The following RSF1 variants were observed in gnomAD, a reference collection of about 807,000 sequenced individuals.
The protein encoded by RSF1 is HBV pX-associated protein 8.
A neutral mutation model predicts 145.2 loss-of-function variants in RSF1; 13 were observed. That is an observed-to-expected ratio of 0.09 (90% CI 0.06 to 0.14). The LOEUF is 0.14. Ranked by LOEUF, RSF1 falls within the 10% of genes least tolerant of loss-of-function variation. The pLI is 1.00. For synonymous variants in RSF1, 577 were observed against 592.6 expected (o/e 0.97, Z 0.38); for missense variants, 1,517 against 1,718.2 (o/e 0.88, Z 2.07).
chr11:77,692,608 G>A (rs1043025940), intron 8 of RSF1, among the ~76,000 whole-genome samples: 23 of 151,660 alleles, frequency 1.5e-4, no homozygotes, highest in Admixed American at 1.5e-3. Context: ...CAAACTCATG[G>A]CCTTTAGTGA....
the RSF1 span, among the ~76,000 whole-genome samples, chr11:77,847,319 G>A: frequency 6.6e-6 from 1 of 152,106 alleles, no homozygotes; most frequent in Non-Finnish European, 1.5e-5. Context: ...TTTTTATCTG[G>A]CATTTGGTTT....
intron 1 of RSF1, among the ~76,000 whole-genome samples, chr11:77,765,028 C>T (rs7951172): frequency 0.18 from 26,843 of 151,858 alleles, 2,955 homozygotes; most frequent in African/African-American, 0.29. Context: ...TGGGAGCCAA[C>T]AGTAGAGAAG....
chr11:77,727,338 C>T lies in RSF1; in HGVS notation c.579-1639G>A, dbSNP rs191053749. Among the ~76,000 whole-genome samples the T allele has an allele frequency of 1.1e-4, 17 of 152,008 alleles. No homozygotes were observed. In the East Asian group the frequency reaches 2.7e-3, roughly 24 times the overall value. ...AGAATTCCATATGCAACGAATGGCT[C>T]GATCTATTTATTTCTGAAAGTCATG... On this transcript the variant is annotated intron_variant, in intron 4 of 15. Coordinates refer to ENST00000308488, the MANE Select transcript of RSF1 (RefSeq NM_016578.4).
At chr11:77,715,345 A>G (rs1445957995) in intron 5 of RSF1, among the ~76,000 whole-genome samples, 2 of 152,216 alleles carry the variant, frequency 1.3e-5, no homozygotes, top group South Asian at 2.1e-4. Flanking sequence ...CTTTTCTTTT[A>G]TTCCTATAAA....
the RSF1 span, among the ~76,000 whole-genome samples, chr11:77,861,969 CAG>C: frequency 3.2e-4 from 49 of 152,338 alleles, no homozygotes; most frequent in African/African-American, 1.2e-3. Flanking sequence ...AGTCAGGTGA[CAG>C]AGAGGTGTGC....
At chr11:77,706,656 T>C (rs779259458) in intron 5 of RSF1, among the ~76,000 whole-genome samples, 36 of 152,178 alleles carry the variant, frequency 2.4e-4, no homozygotes, top group Non-Finnish European at 4.1e-4. Flanking sequence ...TTCCTCACTT[T>C]CCTAATTTTT....
chr11:77,703,931 A>G (rs1960482079), intron 5 of RSF1, among the ~76,000 whole-genome samples: 1 of 152,234 alleles, frequency 6.6e-6, no homozygotes, highest in Non-Finnish European at 1.5e-5. Context: ...GAGATTAGCT[A>G]GTATATCAGG....
chr11:77,677,684 A>C (rs1959744892), intron 12 of RSF1, among the ~76,000 whole-genome samples: 1 of 152,262 alleles, frequency 6.6e-6, no homozygotes. Context: ...CTATGAAATT[A>C]AGAAACCAAT....
At chr11:77,867,654 G>C in the RSF1 span, among the ~76,000 whole-genome samples, 2 of 152,226 alleles carry the variant, frequency 1.3e-5, no homozygotes, top group South Asian at 2.1e-4. Context: ...CATTGTCCTT[G>C]TGCAGAAACA....
intron 2 of RSF1, among the ~76,000 whole-genome samples, chr11:77,748,749 A>G (rs1176968832): frequency 6.6e-6 from 1 of 152,226 alleles, no homozygotes; most frequent in Non-Finnish European, 1.5e-5. Context: ...CTTGGAAAAC[A>G]GCTTGGCAAT....
At chr11:77,684,368 A>C (rs888639322) in intron 10 of RSF1, among the ~76,000 whole-genome samples, 1 of 152,240 alleles carries the variant, frequency 6.6e-6, no homozygotes, top group African/African-American at 2.4e-5. Flanking sequence ...ATGCAAAACA[A>C]AGGTAATCCT....
intron 8 of RSF1, 92 bp from the exon 9 acceptor site, chr11:77,691,330 G>A (rs778611141): frequency 7.1e-5 from 73 of 1,033,016 alleles, no homozygotes; most frequent in Non-Finnish European, 1.0e-4. Flanking sequence ...TGGGCTCTGA[G>A]AGCTGGTAAG....
the RSF1 span, among the ~76,000 whole-genome samples, chr11:77,870,329 A>AT: frequency 0.028 from 2,475 of 88,020 alleles, 190 homozygotes; most frequent in African/African-American, 0.072. Context: ...CTATTTTTTA[A>AT]TTTTTTTTTT....
rs1246637882 is a variant in RSF1, at chr11:77,736,837, C to A, written c.578+3894G>T. Among the ~76,000 whole-genome samples the A allele has an allele frequency of 3.9e-5, 6 of 152,152 alleles. 1 individual carries two copies. The highest frequency in any genetic ancestry group is 3.3e-4 in the Admixed American group (5 of 15,280). Reference sequence around the variant, plus strand: ...GCAGCCCCTCTTAGAGATCTTAGAGCCATACTATTCACTATTACATCACCA... The same window carrying A: ...GCAGCCCCTCTTAGAGATCTTAGAGACATACTATTCACTATTACATCACCA... On this transcript the variant is annotated intron_variant, in intron 4 of 15. Transcript: ENST00000308488.
At chr11:77,831,590 C>T in the RSF1 span, among the ~76,000 whole-genome samples, 3 of 152,066 alleles carry the variant, frequency 2.0e-5, no homozygotes, top group African/African-American at 7.2e-5. Context: ...CCCTGCTCTA[C>T]CCTTACCTTC....
intron 4 of RSF1, among the ~76,000 whole-genome samples, chr11:77,734,307 TTG>T (rs201297261): frequency 1.4e-4 from 20 of 140,764 alleles, no homozygotes; most frequent in African/African-American, 5.4e-4. Context: ...ATTACTTTTT[TTG>T]GGGGGGGGTA....
intron 9 of RSF1, chr11:77,690,844 A>G (rs1415595790): frequency 3.3e-6 from 1 of 303,670 alleles, no homozygotes; most frequent in Non-Finnish European, 6.1e-6. Context: ...GTCACAGGGC[A>G]AAAGTAGCCA....
intron 2 of RSF1, among the ~76,000 whole-genome samples, chr11:77,748,216 C>CTT (rs372130350): frequency 2.1e-5 from 3 of 141,628 alleles, no homozygotes; most frequent in Non-Finnish European, 3.1e-5. Context: ...AATAGAGGAT[C>CTT]TTTTTTTTTT....
rs149448614 is a variant in RSF1, at chr11:77,802,787, G to A, written c.187+17741C>T. On this transcript the variant is annotated intron_variant, in intron 1 of 15. Coordinates refer to ENST00000308488, the MANE Select transcript of RSF1 (RefSeq NM_016578.4). The stretch of plus-strand genomic sequence containing the variant: ...GCTGGTCTCGAACTCCTGACCTCAG[G>A]TGATCCATCCGCCTTGGCCTCCCAA... 6.5e-3 allele frequency among the ~76,000 whole-genome samples: 989 copies of A among 152,238 alleles called. 16 individuals are homozygous for A. The East Asian group carries it at 0.081, about 13-fold the overall frequency.
Sources: gnomAD v4.1 joint callset for allele counts (sites outside exome capture counted in the v4.1 genomes callset) on GRCh38, gnomAD v4.1.1 for gene constraint, MANE v1.5 for transcripts, NCBI Gene and HGNC (gene_info 2026-07-23, HGNC 2026-07-21) for gene names.